Variants in KCNJ6 observed in about 807,000 individuals in gnomAD.
KCNJ6 encodes G protein-activated inward rectifier potassium channel 2.
KCNJ6 carries 9 observed loss-of-function variants against 34.2 expected under a neutral mutation model. The observed-to-expected ratio is 0.26, with a 90% CI of 0.16 to 0.46. The LOEUF (loss-of-function observed/expected upper bound fraction) is 0.46, where lower values mean the gene tolerates loss of function less well. KCNJ6 is among the 20% of genes least tolerant of loss of function. KCNJ6 has a pLI of 1.00. For synonymous variants in KCNJ6, 196 were observed against 207.1 expected (o/e 0.95, Z 0.46); for missense variants, 236 against 531.3 (o/e 0.44, Z 5.46).
chr21:37,740,267 T>G (rs1569454865), intron 2 of KCNJ6, among the ~76,000 whole-genome samples: 3 of 152,166 alleles, frequency 2.0e-5, no homozygotes, highest in Non-Finnish European at 4.4e-5. Context: ...CACGCCTTAT[T>G]ATACCTCTCT....
At chr21:37,705,551 C>G (rs974250482) in intron 3 of KCNJ6, among the ~76,000 whole-genome samples, 1 of 152,136 alleles carries the variant, frequency 6.6e-6, no homozygotes, top group Non-Finnish European at 1.5e-5. Context: ...GCACCTACTA[C>G]GCACCAGGCT....
chr21:37,850,912 T>C (rs1168784219), intron 1 of KCNJ6, among the ~76,000 whole-genome samples: 1 of 152,182 alleles, frequency 6.6e-6, no homozygotes, highest in African/African-American at 2.4e-5. Flanking sequence ...GTGGGACTAT[T>C]TGTCATGCTT....
chr21:37,814,148 T>G (rs114053331), intron 2 of KCNJ6, among the ~76,000 whole-genome samples: 1 of 152,196 alleles, frequency 6.6e-6, no homozygotes, highest in African/African-American at 2.4e-5. Flanking sequence ...AACAGGCATA[T>G]GAAAAGATGC....
chr21:37,611,665 G>T lies in KCNJ6; in HGVS notation c.*13494C>A, dbSNP rs1175681063. Reference sequence around the variant, plus strand: ...CATGACCAGGTGGAATTTGTCCTAGGTATATAAGGCTGGTTCAACATTCAA... The same window carrying T: ...CATGACCAGGTGGAATTTGTCCTAGTTATATAAGGCTGGTTCAACATTCAA... On this transcript the variant is annotated 3_prime_UTR_variant, in exon 4 of 4. Coordinates refer to ENST00000609713, the MANE Select transcript of KCNJ6 (RefSeq NM_002240.5). 1 of 152,102 alleles carries T rather than the reference G, an allele frequency of 6.6e-6. No individual in the cohort carries two copies. Among genetic ancestry groups the T allele is most frequent in the Non-Finnish European group, 1.5e-5 (1 of 68,010 alleles). The allele number at this position is 152,102 out of a possible 1,614,324, so 9.4% of individuals were successfully genotyped here.
At chr21:37,625,515 A>G (rs373523111) in intron 3 of KCNJ6, 31 bp from the exon 4 acceptor site, 18 of 1,552,976 alleles carry the variant, frequency 1.2e-5, no homozygotes, top group Non-Finnish European at 1.6e-5. Context: ...GCTTTAGCAT[A>G]TGTAAGTGTG....
intron 2 of KCNJ6, among the ~76,000 whole-genome samples, chr21:37,746,265 C>T (rs371540866): frequency 1.3e-5 from 2 of 152,056 alleles, no homozygotes; most frequent in African/African-American, 2.4e-5. Context: ...GAGGTGGGAG[C>T]GGGTTAAGGA....
chr21:37,627,280 T>G (rs2054315420), intron 3 of KCNJ6, among the ~76,000 whole-genome samples: 1 of 152,192 alleles, frequency 6.6e-6, no homozygotes, highest in South Asian at 2.1e-4. Context: ...GTGACCCTTT[T>G]TCAATGTTTC....
At position 37,697,546 on chromosome 21, in the gene KCNJ6, C is replaced by A. The variant is rs184244045; in HGVS notation, c.946+16665G>T. On this transcript the variant is annotated intron_variant, in intron 3 of 3. Transcript: ENST00000609713. The stretch of plus-strand genomic sequence containing the variant: ...AGCGTTTGTTGCAATTATTCTGATC[C>A]AAGGTCCTGCCTATCAGCTGGATAG... Among the ~76,000 whole-genome samples, 691 of 152,222 alleles carry A rather than the reference C, an allele frequency of 4.5e-3. 5 individuals are homozygous for A. The highest frequency in any genetic ancestry group is 7.4e-3 in the Non-Finnish European group (501 of 68,020).
chr21:37,822,328 C>A (rs918843820), intron 2 of KCNJ6, among the ~76,000 whole-genome samples: 5 of 152,110 alleles, frequency 3.3e-5, no homozygotes, highest in African/African-American at 1.2e-4. Flanking sequence ...TGATAGGCAC[C>A]CATTCCTCGT....
chr21:37,722,894 C>T (rs184481330), intron 2 of KCNJ6, among the ~76,000 whole-genome samples: 11 of 152,242 alleles, frequency 7.2e-5, no homozygotes, highest in Admixed American at 2.0e-4. Flanking sequence ...TATATGACTA[C>T]GTCCCTTGAA....
intron 1 of KCNJ6, among the ~76,000 whole-genome samples, chr21:37,853,846 G>GTATATATATATATATATATATATA (rs144698876): frequency 1.9e-3 from 221 of 115,900 alleles, no homozygotes; most frequent in African/African-American, 6.2e-3. Context: ...ATATATATAT[G>GTATATATATATATATATATATATA]TATATATATA....
intron 1 of KCNJ6, among the ~76,000 whole-genome samples, chr21:37,893,790 G>C (rs1281155936): frequency 6.6e-6 from 1 of 152,104 alleles, no homozygotes; most frequent in Admixed American, 6.5e-5. Flanking sequence ...TAAAAAGATT[G>C]AGAAAGGTAG....
In KCNJ6 at chr21:37,616,652, G is replaced by C. The variant is rs1000962440; in HGVS notation, c.*8507C>G. The C allele has an allele frequency of 2.6e-4, 33 of 129,196 alleles. No individual in the cohort carries two copies. Among genetic ancestry groups the C allele is most frequent in the African/African-American group, 7.7e-4 (26 of 33,846 alleles). 8.0% of individuals were successfully genotyped at this position (129,196 alleles called of 1,614,324 possible). A position where few individuals can be genotyped will look rare whatever the true frequency, so the allele number is the denominator to read the frequency against. ...TGAACATATACGCTCGGTTAAAATTGGTGGTGGCTATTAAGTGGTAAGGAA... is the reference window on the plus strand; with the variant it reads ...TGAACATATACGCTCGGTTAAAATTCGTGGTGGCTATTAAGTGGTAAGGAA... On this transcript the variant is annotated 3_prime_UTR_variant, in exon 4 of 4. Transcript: ENST00000609713.
chr21:37,805,063 A>G (rs2055287234), intron 2 of KCNJ6, among the ~76,000 whole-genome samples: 1 of 152,170 alleles, frequency 6.6e-6, no homozygotes, highest in South Asian at 2.1e-4. Flanking sequence ...AATATTCACA[A>G]CAGGAAATCC....
intron 2 of KCNJ6, among the ~76,000 whole-genome samples, chr21:37,795,276 T>C (rs190244667): frequency 6.6e-6 from 1 of 152,178 alleles, no homozygotes; most frequent in East Asian, 1.9e-4. Flanking sequence ...TTGATTTGTG[T>C]GGAGGTGTCC....
chr21:37,874,027 T>C (rs1387317655), intron 1 of KCNJ6, among the ~76,000 whole-genome samples: 1 of 152,176 alleles, frequency 6.6e-6, no homozygotes, highest in East Asian at 1.9e-4. Flanking sequence ...CAGAACTCCT[T>C]AGAAAACTCG....
intron 3 of KCNJ6, among the ~76,000 whole-genome samples, chr21:37,683,728 G>A (rs1384868096): frequency 6.6e-6 from 1 of 152,226 alleles, no homozygotes; most frequent in Non-Finnish European, 1.5e-5. Context: ...GAGTTCCGGT[G>A]TGGGGAGCCT....
intron 2 of KCNJ6, among the ~76,000 whole-genome samples, chr21:37,726,491 C>A (rs2054855444): frequency 6.6e-6 from 1 of 152,170 alleles, no homozygotes; most frequent in African/African-American, 2.4e-5. Context: ...TGTTTATTGA[C>A]CTGGCAAATT....
At chr21:37,701,955 G>A (rs1001930285) in intron 3 of KCNJ6, among the ~76,000 whole-genome samples, 15 of 152,244 alleles carry the variant, frequency 9.9e-5, no homozygotes, top group Admixed American at 9.8e-4. Flanking sequence ...GCTCTGGGCC[G>A]GGCACGGTGG....
Sources: gnomAD v4.1 joint callset for allele counts (sites outside exome capture counted in the v4.1 genomes callset) on GRCh38, gnomAD v4.1.1 for gene constraint, MANE v1.5 for transcripts, NCBI Gene and HGNC (gene_info 2026-07-23, HGNC 2026-07-21) for gene names.